The following IFI44 variants were observed in gnomAD, a reference collection of about 807,000 sequenced individuals.
The protein encoded by IFI44 is interferon induced protein 44, also known as interferon-induced protein 44.
A neutral mutation model predicts 45.0 loss-of-function variants in IFI44; 42 were observed. That is an observed-to-expected ratio of 0.93 (90% CI 0.73 to 1.21). IFI44 has a LOEUF of 1.21. Among genes scored for constraint, IFI44 ranks in the 50% most tolerant of loss-of-function variants. The pLI is 0.00. For missense variants in IFI44, 623 were observed against 525.8 expected, an observed-to-expected ratio of 1.18 and a Z score of -1.81; for synonymous variants, 221 against 188.6, an observed-to-expected ratio of 1.17 and a Z score of -1.41.
At chr1:78,655,875 G>A (rs1169893741) in intron 5 of IFI44, among the ~76,000 whole-genome samples, 2 of 152,072 alleles carry the variant, frequency 1.3e-5, no homozygotes, top group African/African-American at 2.4e-5. Flanking sequence ...CTCAGCATGG[G>A]CTGTTAAGAT....
At chr1:78,652,981 AT>A (rs1277177971) in intron 2 of IFI44, among the ~76,000 whole-genome samples, 2 of 152,032 alleles carry the variant, frequency 1.3e-5, no homozygotes, top group African/African-American at 4.8e-5. Flanking sequence ...ATTTTGTTTT[AT>A]TTTTAGATTA....
intron 6 of IFI44, among the ~76,000 whole-genome samples, chr1:78,660,230 C>A (rs912369254): frequency 6.6e-6 from 1 of 152,118 alleles, no homozygotes; most frequent in African/African-American, 2.4e-5. Flanking sequence ...TAGTCTCTGT[C>A]AAAACACAAC....
At position 78,663,842 on chromosome 1, in the gene IFI44, C is replaced by A; in HGVS notation, c.*31C>A. 6.2e-7 allele frequency: 1 copy of A among 1,600,976 alleles called. No homozygotes were observed. Among genetic ancestry groups the A allele is most frequent in the Non-Finnish European group, 8.5e-7 (1 of 1,172,624 alleles). ...TGAAAGGTTCACGTAAATTTCCTCA[C>A]ATCACAGAAGATTAAAATTCAGAAA... On this transcript the variant is annotated 3_prime_UTR_variant, in exon 9 of 9. Transcript: ENST00000370747.
At chr1:78,659,918 A>T (rs1000919479) in intron 6 of IFI44, among the ~76,000 whole-genome samples, 1 of 152,210 alleles carries the variant, frequency 6.6e-6, no homozygotes, top group African/African-American at 2.4e-5. Flanking sequence ...GTTTGTAGGG[A>T]GAGGTAAAGA....
chr1:78,661,859 A>G (rs1321743641), intron 7 of IFI44, among the ~76,000 whole-genome samples: 1 of 152,150 alleles, frequency 6.6e-6, no homozygotes, highest in Admixed American at 6.6e-5. Context: ...GCATAAGACA[A>G]TATATTAATG....
At chr1:78,652,426 T>C (rs1295958327) in intron 2 of IFI44, among the ~76,000 whole-genome samples, 8 of 152,236 alleles carry the variant, frequency 5.3e-5, no homozygotes, top group Admixed American at 5.2e-4. Flanking sequence ...ACAGGTATCC[T>C]GTTAAGGACG....
intron 6 of IFI44, 68 bp from the exon 7 acceptor site, chr1:78,660,486 T>C (rs1647385573): frequency 3.5e-6 from 4 of 1,151,246 alleles, no homozygotes; most frequent in Middle Eastern, 2.0e-4. Flanking sequence ...TATTACATAA[T>C]TGATAGTTAA....
At chr1:78,659,526 T>G in intron 6 of IFI44, 43 bp downstream of exon 6, 1 of 1,475,978 alleles carries the variant, frequency 6.8e-7, no homozygotes, top group Non-Finnish European at 9.4e-7. Flanking sequence ...CCACTAAGGG[T>G]AATTGACTAG....
intron 7 of IFI44, among the ~76,000 whole-genome samples, chr1:78,662,460 C>G (rs143977540): frequency 0.011 from 1,629 of 152,254 alleles, 41 homozygotes; most frequent in African/African-American, 0.038. Flanking sequence ...GGATAGGTGT[C>G]ATAAAAATTT....
In IFI44 at chr1:78,664,024, G is replaced by A. The variant is rs1647624544; in HGVS notation, c.*213G>A. 1 of 383,750 alleles carries A rather than the reference G, an allele frequency of 2.6e-6. No homozygotes were observed. The highest frequency in any genetic ancestry group is 4.5e-6 in the Non-Finnish European group (1 of 220,032). 23.8% of individuals were successfully genotyped at this position (383,750 alleles called of 1,614,324 possible). Reference sequence around the variant, plus strand: ...GTGAAAAATAATAATAATTTTTCTTGGATTTATGTTCTGTATCTGTGAAAA... The same window carrying A: ...GTGAAAAATAATAATAATTTTTCTTAGATTTATGTTCTGTATCTGTGAAAA... On this transcript the variant is annotated 3_prime_UTR_variant, in exon 9 of 9. Transcript: ENST00000370747.
chr1:78,660,731 A>C, intron 7 of IFI44, 77 bp downstream of exon 7: 1 of 964,832 alleles, frequency 1.0e-6, no homozygotes, highest in Non-Finnish European at 1.7e-6. Context: ...TATAAAAATA[A>C]AAACAAGCAG....
In IFI44 at chr1:78,650,095, A is replaced by G. The variant is rs143426079; in HGVS notation, c.-10-91A>G. On this transcript the variant is annotated intron_variant, in intron 1 of 8. Transcript: ENST00000370747. ...TGTTTTGTCATTTTTTGTATTATGT[A>G]GAGTATATAAGAGGCATAAATGCAA... 250 of 749,788 alleles carry G rather than the reference A, an allele frequency of 3.3e-4. No individual in the cohort carries two copies. In the African/African-American group the frequency reaches 4.1e-3, roughly 12 times the overall value. The allele number at this position is 749,788 out of a possible 1,614,324, so 46.4% of individuals were successfully genotyped here.
At chr1:78,654,724 C>T (rs1647180366) in intron 3 of IFI44, among the ~76,000 whole-genome samples, 1 of 151,680 alleles carries the variant, frequency 6.6e-6, no homozygotes, top group South Asian at 2.1e-4. Context: ...GAAGTTTAGT[C>T]TTAAATAATT....
intron 7 of IFI44, among the ~76,000 whole-genome samples, chr1:78,661,625 ATGGGAGTG>A (rs1647463441): frequency 6.6e-6 from 1 of 152,108 alleles, no homozygotes; most frequent in African/African-American, 2.4e-5. Flanking sequence ...TGGTGAGGGG[ATGGGAGTG>A]TGGGATAAGA....
Position 78,662,750 on chromosome 1 carries a change from C to G in IFI44, c.1160C>G (p.Ser387Trp). The stretch of plus-strand genomic sequence containing the variant: ...CTTGGATTTGCTCTTTCTGACATCT[C>G]GGTGGTTAGCAATTATTCCTCTGAG... ...RKLGFALSDI[S>W]VVSNYSSEWE... Residue 387 changes from serine (S) to tryptophan (W), a missense_variant, in exon 8 of 9, where the codon TCG becomes TGG. Coordinates refer to ENST00000370747, the MANE Select transcript of IFI44 (RefSeq NM_006417.5). 6.2e-7 allele frequency: 1 copy of G among 1,613,670 alleles called. No homozygotes were observed. The highest frequency in any genetic ancestry group is 8.5e-7 in the Non-Finnish European group (1 of 1,179,872).
intron 1 of IFI44, 76 bp from the exon 2 acceptor site, chr1:78,650,110 C>A: frequency 1.9e-6 from 2 of 1,028,056 alleles, no homozygotes; most frequent in Non-Finnish European, 2.8e-6. Flanking sequence ...ATATAAGAGG[C>A]ATAAATGCAA....
intron 2 of IFI44, 25 bp from the exon 3 acceptor site, chr1:78,654,218 C>T (rs752643385): frequency 3.0e-5 from 39 of 1,312,786 alleles, no homozygotes; most frequent in Non-Finnish European, 4.2e-5. Flanking sequence ...TTCTAATCTA[C>T]ATTATTCTTT....
At position 78,661,680 on chromosome 1, in the gene IFI44, T is replaced by A. The variant is rs528435008; in HGVS notation, c.1114-1024T>A. Among the ~76,000 whole-genome samples, 209 of 152,194 alleles carry A rather than the reference T, an allele frequency of 1.4e-3. 3 individuals are homozygous for A. The highest frequency in any genetic ancestry group is 4.8e-3 in the African/African-American group (199 of 41,524). On this transcript the variant is annotated intron_variant, in intron 7 of 8. Transcript: ENST00000370747. ...AGAGATTATGTACGATTGAGTGTGATAAATATAATGAAACAATGAAAAATA... is the reference window on the plus strand; with the variant it reads ...AGAGATTATGTACGATTGAGTGTGAAAAATATAATGAAACAATGAAAAATA...
rs199574353 is a variant in IFI44, at chr1:78,655,203, T to G, written c.684T>G (p.Ser228=). ...ALVGTNTTGI[S]EKYRTYSIRD... The stretch of plus-strand genomic sequence containing the variant: ...TGGGCACTAATACAACTGGGATATC[T>G]GAGAAGGTAAGCACATTTGAGGCCA... The change falls in exon 4 of 9, where the codon TCT becomes TCG. Residue 228 remains serine (S), a synonymous_variant. Coordinates refer to ENST00000370747, the MANE Select transcript of IFI44 (RefSeq NM_006417.5). 1.9e-6 allele frequency: 3 copies of G among 1,613,000 alleles called. No individual in the cohort carries two copies. In the South Asian group the frequency reaches 3.3e-5, roughly 18 times the overall value.
Sources: gnomAD v4.1 joint callset for allele counts (sites outside exome capture counted in the v4.1 genomes callset) on GRCh38, gnomAD v4.1.1 for gene constraint, MANE v1.5 for transcripts, NCBI Gene and HGNC (gene_info 2026-07-23, HGNC 2026-07-21) for gene names.